AGBL4: variants seen among roughly 807,000 people sequenced by gnomAD.
AGBL4 encodes the protein cytosolic carboxypeptidase 6.
Under a neutral mutation model 66.4 loss-of-function variants are expected in AGBL4, and 58 were observed. The ratio of observed to expected loss-of-function variants is 0.87; its 90% confidence interval spans 0.71 to 1.09. The LOEUF is 1.09. Ranked by LOEUF, AGBL4 falls within the 50% of genes least tolerant of loss-of-function variation. AGBL4 has a pLI of 0.00. For missense variants in AGBL4, 579 were observed against 631.0 expected (o/e 0.92, Z 0.88); for synonymous variants, 234 against 222.9 (o/e 1.05, Z -0.44).
At chr1:49,883,893 T>C (rs1571799257) in intron 1 of AGBL4, among the ~76,000 whole-genome samples, 1 of 152,138 alleles carries the variant, frequency 6.6e-6, no homozygotes, top group East Asian at 1.9e-4. Flanking sequence ...ATTATTTTAA[T>C]GTACAAGGCA....
intron 5 of AGBL4, among the ~76,000 whole-genome samples, chr1:48,981,847 G>C (rs190321399): frequency 9.1e-4 from 139 of 152,334 alleles, no homozygotes; most frequent in Non-Finnish European, 1.6e-3. Context: ...AGTGAGCCAA[G>C]ATTGTGCCAT....
At chr1:49,409,791 A>C (rs1179731378) in intron 3 of AGBL4, among the ~76,000 whole-genome samples, 1 of 152,200 alleles carries the variant, frequency 6.6e-6, no homozygotes, top group Non-Finnish European at 1.5e-5. Context: ...CTTAATGAAC[A>C]AAAGTTTCCA....
At chr1:48,977,553 A>G (rs1659435717) in intron 5 of AGBL4, among the ~76,000 whole-genome samples, 1 of 152,144 alleles carries the variant, frequency 6.6e-6, no homozygotes, top group African/African-American at 2.4e-5. Flanking sequence ...AAACCCATTT[A>G]CAGAAGTTTC....
intron 5 of AGBL4, among the ~76,000 whole-genome samples, chr1:48,959,334 T>A (rs1657761767): frequency 1.3e-5 from 2 of 152,286 alleles, no homozygotes; most frequent in Admixed American, 1.3e-4. Context: ...AAGATGGTAG[T>A]TTTTATACTA....
intron 6 of AGBL4, among the ~76,000 whole-genome samples, chr1:48,814,153 C>T (rs996514214): frequency 7.9e-5 from 12 of 152,180 alleles, no homozygotes; most frequent in Admixed American, 1.3e-4. Flanking sequence ...GATTGTCCCC[C>T]AGTTCCCTGT....
At chr1:49,053,695 T>C (rs775079998) in intron 4 of AGBL4, among the ~76,000 whole-genome samples, 12 of 152,312 alleles carry the variant, frequency 7.9e-5, no homozygotes, top group Non-Finnish European at 1.5e-4. Flanking sequence ...TAGTTAAAAT[T>C]CTTAAAAAAA....
At chr1:49,747,511 A>T (rs1223837319) in intron 2 of AGBL4, among the ~76,000 whole-genome samples, 2 of 152,206 alleles carry the variant, frequency 1.3e-5, no homozygotes, top group African/African-American at 4.8e-5. Context: ...TACAGGTTAA[A>T]ACTATTTAAT....
chr1:49,135,865 C>T (rs372107261), intron 4 of AGBL4, among the ~76,000 whole-genome samples: 1 of 152,070 alleles, frequency 6.6e-6, no homozygotes, highest in East Asian at 1.9e-4. Context: ...CAGTTTACGG[C>T]CAGATTTTGG....
intron 6 of AGBL4, among the ~76,000 whole-genome samples, chr1:48,753,176 G>A (rs1440500029): frequency 1.3e-5 from 2 of 152,218 alleles, no homozygotes; most frequent in African/African-American, 4.8e-5. Flanking sequence ...GAAGAGCTGG[G>A]GTTGAAAACC....
intron 3 of AGBL4, among the ~76,000 whole-genome samples, chr1:49,602,705 G>T (rs1478632482): frequency 6.6e-6 from 1 of 151,876 alleles, no homozygotes; most frequent in African/African-American, 2.4e-5. Flanking sequence ...GGGTTGGGGG[G>T]CTAGGGGAGG....
intron 5 of AGBL4, among the ~76,000 whole-genome samples, chr1:48,973,644 C>A (rs1014408194): frequency 3.3e-5 from 5 of 152,136 alleles, no homozygotes; most frequent in African/African-American, 1.2e-4. Flanking sequence ...GGCATCCCTT[C>A]CTCTATTTCA....
intron 2 of AGBL4, among the ~76,000 whole-genome samples, chr1:49,709,383 T>C (rs1344258125): frequency 6.6e-6 from 1 of 152,164 alleles, no homozygotes; most frequent in Non-Finnish European, 1.5e-5. Flanking sequence ...TACACAAGCC[T>C]CAGCATGGTG....
intron 7 of AGBL4, among the ~76,000 whole-genome samples, chr1:48,655,457 C>A (rs1356735550): frequency 3.9e-5 from 6 of 152,140 alleles, no homozygotes; most frequent in African/African-American, 9.7e-5. Flanking sequence ...ACCAGGGGAG[C>A]AGAAAGTCTC....
intron 3 of AGBL4, among the ~76,000 whole-genome samples, chr1:49,556,769 G>A (rs188890829): frequency 3.9e-5 from 6 of 152,120 alleles, no homozygotes; most frequent in Admixed American, 1.3e-4. Flanking sequence ...GGCGAGGTCC[G>A]TCGGGAAGGC....
At chr1:49,370,157 T>A (rs1422669872) in intron 3 of AGBL4, among the ~76,000 whole-genome samples, 3 of 147,362 alleles carry the variant, frequency 2.0e-5, no homozygotes, top group Non-Finnish European at 4.5e-5. Flanking sequence ...ATATATATAT[T>A]ATATATAATA....
At chr1:49,933,269 AAAGT>A (rs1653553337) in intron 1 of AGBL4, among the ~76,000 whole-genome samples, 1 of 152,122 alleles carries the variant, frequency 6.6e-6, no homozygotes, top group African/African-American at 2.4e-5. Context: ...CATATAATTC[AAAGT>A]AATAAAAAAA....
intron 9 of AGBL4, among the ~76,000 whole-genome samples, chr1:48,631,986 T>C (rs1301552608): frequency 6.6e-6 from 1 of 152,218 alleles, no homozygotes; most frequent in African/African-American, 2.4e-5. Flanking sequence ...TAAAGTCTAT[T>C]TCCCCACTAT....
chr1:49,001,024 C>A (rs1045585942), intron 5 of AGBL4, among the ~76,000 whole-genome samples: 4 of 152,170 alleles, frequency 2.6e-5, no homozygotes, highest in Non-Finnish European at 4.4e-5. Context: ...CCAACTATAT[C>A]ATCTTTAATG....
intron 9 of AGBL4, among the ~76,000 whole-genome samples, chr1:48,616,470 A>G (rs1271487480): frequency 6.6e-6 from 1 of 152,220 alleles, no homozygotes. Context: ...ACAATTCTCT[A>G]TAGCTAGCTG....
Sources: gnomAD v4.1 joint callset for allele counts (sites outside exome capture counted in the v4.1 genomes callset) on GRCh38, gnomAD v4.1.1 for gene constraint, MANE v1.5 for transcripts, NCBI Gene and HGNC (gene_info 2026-07-23, HGNC 2026-07-21) for gene names.